Variants in MAGI2 observed in about 807,000 individuals in gnomAD.
The protein encoded by MAGI2 is membrane-associated guanylate kinase, WW and PDZ domain-containing protein 2.
In MAGI2, 35 loss-of-function variants were observed where a neutral mutation model predicts 133.3. That is an observed-to-expected ratio of 0.26 (90% confidence interval 0.20 to 0.35). The LOEUF (loss-of-function observed/expected upper bound fraction) is 0.35, where lower values mean the gene tolerates loss of function less well. MAGI2 is among the 10% of genes least tolerant of loss of function. The pLI is 1.00. For synonymous variants in MAGI2, 729 were observed against 710.6 expected (o/e 1.03, Z -0.41); for missense variants, 1,636 against 1,863.4 (o/e 0.88, Z 2.25).
At position 78,544,775 on chromosome 7, in the gene MAGI2, G is replaced by A. The variant is rs186651709; in HGVS notation, c.539-23130C>T. Among the ~76,000 whole-genome samples the A allele has an allele frequency of 7.6e-4, 115 of 151,898 alleles. 1 individual carries two copies. The highest frequency in any genetic ancestry group is 2.5e-3 in the African/African-American group (105 of 41,420). On this transcript the variant is annotated intron_variant, in intron 3 of 21. Transcript: ENST00000354212. Reference sequence around the variant, plus strand: ...CTTGAACCCGGGAGGTGGAGGTTGCGGTGAGCTGAGATCACGCCATTGCAC... The same window carrying A: ...CTTGAACCCGGGAGGTGGAGGTTGCAGTGAGCTGAGATCACGCCATTGCAC...
chr7:79,065,141 C>T (rs924671916), intron 1 of MAGI2, among the ~76,000 whole-genome samples: 1 of 152,006 alleles, frequency 6.6e-6, no homozygotes, highest in African/African-American at 2.4e-5. Flanking sequence ...TATGAATACA[C>T]TAACTCTAAT....
chr7:78,215,104 C>G (rs963563112), intron 10 of MAGI2, among the ~76,000 whole-genome samples: 1 of 152,102 alleles, frequency 6.6e-6, no homozygotes, highest in Non-Finnish European at 1.5e-5. Flanking sequence ...AAAGCAGACC[C>G]TGAGAGGAGG....
At chr7:78,905,342 A>C (rs1797917680) in intron 2 of MAGI2, among the ~76,000 whole-genome samples, 1 of 152,184 alleles carries the variant, frequency 6.6e-6, no homozygotes, top group African/African-American at 2.4e-5. Context: ...CTTGACCCCA[A>C]GGTTAGGAGC....
intron 2 of MAGI2, among the ~76,000 whole-genome samples, chr7:78,642,543 A>T (rs1198390078): frequency 6.6e-6 from 1 of 152,166 alleles, no homozygotes; most frequent in East Asian, 1.9e-4. Flanking sequence ...CAAATTTATC[A>T]TTTGTCCAAA....
chr7:78,581,903 CCT>C (rs1365504867), intron 3 of MAGI2, among the ~76,000 whole-genome samples: 4 of 152,248 alleles, frequency 2.6e-5, no homozygotes, highest in African/African-American at 9.6e-5. Context: ...TTAAGATTCT[CCT>C]CTGTGTTCTT....
At chr7:79,093,548 A>T (rs570613632) in intron 1 of MAGI2, among the ~76,000 whole-genome samples, 1 of 152,202 alleles carries the variant, frequency 6.6e-6, no homozygotes, top group East Asian at 1.9e-4. Flanking sequence ...TTTATTGCTA[A>T]AAAATGCAAT....
chr7:78,079,902 T>A (rs1430600729), intron 20 of MAGI2, among the ~76,000 whole-genome samples: 1 of 152,218 alleles, frequency 6.6e-6, no homozygotes, highest in Admixed American at 6.5e-5. Flanking sequence ...ACCATTACTG[T>A]CAGGAACCCT....
intron 13 of MAGI2, among the ~76,000 whole-genome samples, chr7:78,183,557 A>G (rs576800347): frequency 6.6e-6 from 1 of 151,822 alleles, no homozygotes; most frequent in East Asian, 2.0e-4. Context: ...CACCACCGCA[A>G]TCGGCCATTT....
intron 6 of MAGI2, among the ~76,000 whole-genome samples, chr7:78,424,455 C>A (rs887258400): frequency 6.6e-5 from 10 of 152,256 alleles, no homozygotes; most frequent in African/African-American, 2.4e-4. Flanking sequence ...GGGTTGGAGT[C>A]CCCTGCACAG....
chr7:78,261,491 T>C (rs1388231027), intron 9 of MAGI2, among the ~76,000 whole-genome samples: 1 of 152,158 alleles, frequency 6.6e-6, no homozygotes, highest in East Asian at 1.9e-4. Context: ...AAGATTTCTC[T>C]ACACTATATA....
chr7:78,960,630 C>A (rs964172500), intron 2 of MAGI2, among the ~76,000 whole-genome samples: 1 of 152,160 alleles, frequency 6.6e-6, no homozygotes, highest in Admixed American at 6.5e-5. Context: ...AAGTACTTAT[C>A]CTAAACTTGC....
chr7:78,955,761 C>CA (rs1408542516), intron 2 of MAGI2, among the ~76,000 whole-genome samples: 1 of 70,414 alleles, frequency 1.4e-5, no homozygotes, highest in African/African-American at 4.5e-5. Context: ...TTCTTTCTTT[C>CA]TTTCTTTCTT....
At chr7:78,142,314 C>T (rs894229922) in intron 16 of MAGI2, among the ~76,000 whole-genome samples, 1 of 152,074 alleles carries the variant, frequency 6.6e-6, no homozygotes. Flanking sequence ...TTCTTCCTTG[C>T]GCCACTCCAC....
chr7:78,963,724 T>G (rs1242915574), intron 2 of MAGI2, among the ~76,000 whole-genome samples: 1 of 151,948 alleles, frequency 6.6e-6, no homozygotes, highest in Admixed American at 6.6e-5. Flanking sequence ...TCTCCTTTTT[T>G]TTCCTTAAAA....
chr7:78,394,753 C>T (rs974150012), intron 6 of MAGI2, among the ~76,000 whole-genome samples: 5 of 152,178 alleles, frequency 3.3e-5, no homozygotes, highest in African/African-American at 1.2e-4. Flanking sequence ...GACCACATTA[C>T]TCATCGATCT....
rs532199966 is a variant in MAGI2, at chr7:78,777,504, A to G, written c.419-150265T>C. ...CATCATCACCACCATCGTCATCATA[A>G]CTACTACCATCACCACCACTATCAT... On this transcript the variant is annotated intron_variant, in intron 2 of 21. Transcript: ENST00000354212. Among the ~76,000 whole-genome samples the G allele has an allele frequency of 4.6e-5, 7 of 152,268 alleles. No individual in the cohort carries two copies. In the South Asian group the frequency reaches 1.4e-3, roughly 32 times the overall value.
intron 3 of MAGI2, among the ~76,000 whole-genome samples, chr7:78,607,110 A>G (rs1805898384): frequency 6.6e-6 from 1 of 152,148 alleles, no homozygotes; most frequent in Non-Finnish European, 1.5e-5. Flanking sequence ...ATTATACTAG[A>G]GGTGGGCATT....
chr7:78,206,584 C>A (rs1212135157), intron 10 of MAGI2, among the ~76,000 whole-genome samples: 1 of 152,146 alleles, frequency 6.6e-6, no homozygotes, highest in African/African-American at 2.4e-5. Flanking sequence ...AGCCACCGCG[C>A]CTGGCCGCCA....
Position 78,343,771 on chromosome 7 carries a change from A to G in MAGI2, c.1408+7T>C. 1 of 1,537,592 alleles carries G rather than the reference A, an allele frequency of 6.5e-7. No homozygotes were observed. Among genetic ancestry groups the G allele is most frequent in the South Asian group, 1.3e-5 (1 of 77,548 alleles). On this transcript the variant is annotated splice_region_variant and intron_variant, in intron 9 of 21. Coordinates refer to ENST00000354212, the MANE Select transcript of MAGI2 (RefSeq NM_012301.4). ...AAAACAATTTTCTAAACCATGAAGGACCTTACCTGTTTCCATTTTTCCATC... is the reference window on the plus strand; with the variant it reads ...AAAACAATTTTCTAAACCATGAAGGGCCTTACCTGTTTCCATTTTTCCATC...
Sources: gnomAD v4.1 joint callset for allele counts (sites outside exome capture counted in the v4.1 genomes callset) on GRCh38, gnomAD v4.1.1 for gene constraint, MANE v1.5 for transcripts, NCBI Gene and HGNC (gene_info 2026-07-23, HGNC 2026-07-21) for gene names.